The following AGBL3 variants were observed in gnomAD, a reference collection of about 807,000 sequenced individuals.
AGBL3 encodes AGBL carboxypeptidase 3.
Under a neutral mutation model 94.5 loss-of-function variants are expected in AGBL3, and 68 were observed. The ratio of observed to expected loss-of-function variants is 0.72; its 90% confidence interval spans 0.59 to 0.88. AGBL3 has a LOEUF of 0.88. Ranked by LOEUF, AGBL3 falls within the 40% of genes least tolerant of loss-of-function variation. The pLI is 0.00. For synonymous variants in AGBL3, 354 were observed against 370.7 expected (o/e 0.95, Z 0.52); for missense variants, 934 against 1,103.8 (o/e 0.85, Z 2.18).
chr7:135,045,437 T>C, intron 9 of AGBL3, 37 bp from the exon 10 acceptor site: 1 of 1,491,586 alleles, frequency 6.7e-7, no homozygotes, highest in Non-Finnish European at 9.2e-7. Flanking sequence ...AATTATTAAC[T>C]TACCCTCAAG....
At chr7:135,089,283 G>T (rs761188346) in intron 15 of AGBL3, among the ~76,000 whole-genome samples, 1 of 151,982 alleles carries the variant, frequency 6.6e-6, no homozygotes, top group Non-Finnish European at 1.5e-5. Flanking sequence ...TGAATTATCT[G>T]TCTGTATTTT....
chr7:135,094,501 G>A (rs1174367452), intron 15 of AGBL3: 1 of 456,528 alleles, frequency 2.2e-6, no homozygotes, highest in Non-Finnish European at 4.4e-6. Context: ...CCATAGTCTT[G>A]TCTGGAGCTT....
intron 16 of AGBL3, among the ~76,000 whole-genome samples, chr7:135,132,542 G>T (rs1458206256): frequency 6.6e-6 from 1 of 152,158 alleles, no homozygotes; most frequent in Non-Finnish European, 1.5e-5. Flanking sequence ...CTTACCACTT[G>T]ATATAGTTTG....
At chr7:135,008,022 G>A (rs1812608755) in intron 4 of AGBL3, among the ~76,000 whole-genome samples, 1 of 151,940 alleles carries the variant, frequency 6.6e-6, no homozygotes. Context: ...CATGTTTATG[G>A]ATCAAAAGAC....
At chr7:135,114,310 TTAA>T (rs1826024564) in intron 15 of AGBL3, among the ~76,000 whole-genome samples, 1 of 152,212 alleles carries the variant, frequency 6.6e-6, no homozygotes, top group Non-Finnish European at 1.5e-5. Context: ...TACATTCTTA[TTAA>T]TAATGTGTGA....
At chr7:135,091,832 T>C (rs1410378503) in intron 15 of AGBL3, among the ~76,000 whole-genome samples, 2 of 152,206 alleles carry the variant, frequency 1.3e-5, no homozygotes, top group East Asian at 3.8e-4. Context: ...ATTTAAGGCA[T>C]AAGCACCAAG....
rs192506087 is a variant in AGBL3 at position 135,122,228 on chromosome 7, C to T, written c.2342+6617C>T. ...TCAGGGAGGCTGAACAGCTTGGTTC[C>T]AAGACATGTTCCCCAAAGCCCAACA... On this transcript the variant is annotated intron_variant, in intron 16 of 16. Transcript: ENST00000436302. Among the ~76,000 whole-genome samples the T allele has an allele frequency of 2.9e-4, 44 of 152,314 alleles. 1 individual carries two copies. The East Asian group carries it at 6.6e-3, about 23-fold the overall frequency.
intron 5 of AGBL3, among the ~76,000 whole-genome samples, chr7:135,023,326 G>A (rs975527932): frequency 4.6e-5 from 7 of 152,180 alleles, no homozygotes; most frequent in African/African-American, 7.2e-5. Context: ...GAGAGGTGAT[G>A]CAGACACCAA....
At chr7:135,129,096 G>T (rs1439196530) in intron 16 of AGBL3, 3 of 1,591,948 alleles carry the variant, frequency 1.9e-6, no homozygotes, top group African/African-American at 1.3e-5. Flanking sequence ...GGCCACTACT[G>T]GTCAGGTCAA....
Position 135,067,375 on chromosome 7 carries a change from A to G in AGBL3, c.1908+8140A>G, listed in dbSNP as rs186731691. 2.3e-3 allele frequency among the ~76,000 whole-genome samples: 345 copies of G among 152,366 alleles called. 1 individual carries two copies. The highest frequency in any genetic ancestry group is 7.6e-3 in the African/African-American group (316 of 41,584). ...GCAGACTTAAATGTCCCTGCCTGAC[A>G]GCTTTGAAGAGAGTAGTGGTTCTCA... is the stretch of plus-strand genomic sequence containing the variant. On this transcript the variant is annotated intron_variant, in intron 12 of 16. Coordinates refer to ENST00000436302, the MANE Select transcript of AGBL3 (RefSeq NM_178563.4).
At chr7:134,993,348 TA>T (rs1810546906) in intron 3 of AGBL3, 144 bp from the exon 4 acceptor site, 5 of 648,862 alleles carry the variant, frequency 7.7e-6, no homozygotes, top group Non-Finnish European at 9.4e-6. Flanking sequence ...AGTACTTTTA[TA>T]AACAGTGCCA....
intron 15 of AGBL3, among the ~76,000 whole-genome samples, chr7:135,097,928 A>C (rs964001351): frequency 6.6e-6 from 1 of 152,188 alleles, no homozygotes; most frequent in Non-Finnish European, 1.5e-5. Context: ...GCTCAGTTTA[A>C]GTTCAGATTA....
intron 4 of AGBL3, among the ~76,000 whole-genome samples, chr7:134,996,320 A>G (rs1811003235): frequency 6.6e-6 from 1 of 152,194 alleles, no homozygotes; most frequent in African/African-American, 2.4e-5. Context: ...CCCTGTAGTC[A>G]TGACATCAAG....
chr7:135,097,395 T>C (rs1050731607), intron 15 of AGBL3, among the ~76,000 whole-genome samples: 1 of 152,162 alleles, frequency 6.6e-6, no homozygotes, highest in African/African-American at 2.4e-5. Flanking sequence ...TCAAATAATC[T>C]TGATTTCTAT....
chr7:135,076,341 A>G (rs1820447012), intron 12 of AGBL3, 56 bp from the exon 13 acceptor site: 2 of 1,259,516 alleles, frequency 1.6e-6, no homozygotes, highest in Non-Finnish European at 2.3e-6. Flanking sequence ...ATGTCTGCAT[A>G]TGTACTCTTT....
At chr7:135,062,231 C>G (rs890251315) in intron 12 of AGBL3, among the ~76,000 whole-genome samples, 4 of 151,940 alleles carry the variant, frequency 2.6e-5, no homozygotes, top group Admixed American at 2.0e-4. Flanking sequence ...AGAATCACTA[C>G]TGATTTTGTA....
At chr7:135,009,919 T>C (rs1247531971) in intron 4 of AGBL3, 1 of 364,032 alleles carries the variant, frequency 2.7e-6, no homozygotes, top group Non-Finnish European at 5.2e-6. Flanking sequence ...TCGCAGACTT[T>C]GGAGCATTTG....
At chr7:135,044,217 A>T (rs1817136472) in intron 9 of AGBL3, 66 bp downstream of exon 9, 1 of 1,459,722 alleles carries the variant, frequency 6.9e-7, no homozygotes, top group African/African-American at 1.4e-5. Context: ...ATTTAATGTA[A>T]ATGTAACAGT....
chr7:134,989,333 T>C (rs1342223706), intron 3 of AGBL3, 23 bp downstream of exon 3: 2 of 1,502,774 alleles, frequency 1.3e-6, no homozygotes, highest in African/African-American at 2.8e-5. Context: ...TCATATAGTT[T>C]TTGTTTAGCA....
Sources: gnomAD v4.1 joint callset for allele counts (sites outside exome capture counted in the v4.1 genomes callset) on GRCh38, gnomAD v4.1.1 for gene constraint, MANE v1.5 for transcripts, NCBI Gene and HGNC (gene_info 2026-07-23, HGNC 2026-07-21) for gene names.